ERICH3: variants seen among roughly 807,000 people sequenced by gnomAD.
The protein encoded by ERICH3 is glutamate rich 3.
ERICH3 carries 126 observed loss-of-function variants against 131.1 expected under a neutral mutation model. The observed-to-expected ratio is 0.96, with a 90% CI of 0.83 to 1.11. ERICH3 has a LOEUF of 1.11. ERICH3 is among the 50% of genes most tolerant of loss of function. The probability of loss-of-function intolerance (pLI) is 0.00; values close to 1 mark genes in which losing one functional copy is unlikely to be tolerated. For synonymous variants in ERICH3, 695 were observed against 644.6 expected (o/e 1.08, Z -1.18); for missense variants, 2,050 against 1,810.7 (o/e 1.13, Z -2.40).
chr1:74,608,415 A>G (rs1330377308), intron 9 of ERICH3, among the ~76,000 whole-genome samples: 1 of 152,026 alleles, frequency 6.6e-6, no homozygotes, highest in Non-Finnish European at 1.5e-5. Flanking sequence ...AGGGATCAGA[A>G]AGCAGTCAAG....
At chr1:74,645,255 C>T (rs1228508232) in intron 3 of ERICH3, among the ~76,000 whole-genome samples, 3 of 152,004 alleles carry the variant, frequency 2.0e-5, no homozygotes, top group Non-Finnish European at 2.9e-5. Context: ...CTCATACTGG[C>T]ACATGGTAAA....
chr1:74,648,759 A>G (rs1258813178), intron 2 of ERICH3, among the ~76,000 whole-genome samples: 2 of 152,180 alleles, frequency 1.3e-5, no homozygotes, highest in African/African-American at 2.4e-5. Flanking sequence ...ATACACTAAT[A>G]TTATCAATAA....
At chr1:74,597,837 T>TA (rs1485614536) in intron 11 of ERICH3, among the ~76,000 whole-genome samples, 2 of 152,068 alleles carry the variant, frequency 1.3e-5, no homozygotes, top group East Asian at 1.9e-4. Flanking sequence ...AAACCTATTT[T>TA]AAAATTCACG....
intron 7 of ERICH3, chr1:74,623,104 C>T (rs1649285570): frequency 6.6e-6 from 1 of 152,178 alleles, no homozygotes; most frequent in Admixed American, 6.5e-5. Context: ...GGTTTCTCGG[C>T]CCTTTCTGCT....
In ERICH3 at chr1:74,569,162, G is replaced by T. The variant is rs1263165018; in HGVS notation, c.*1296C>A. The T allele has an allele frequency of 1.3e-5, 2 of 152,154 alleles. No individual in the cohort carries two copies. The highest frequency in any genetic ancestry group is 4.8e-5 in the African/African-American group (2 of 41,442). 9.4% of individuals were successfully genotyped at this position (152,154 alleles called of 1,614,324 possible). A position where few individuals can be genotyped will look rare whatever the true frequency, so the allele number is the denominator to read the frequency against. On this transcript the variant is annotated 3_prime_UTR_variant, in exon 15 of 15. Coordinates refer to ENST00000326665, the MANE Select transcript of ERICH3 (RefSeq NM_001002912.5). ...ACAGCGGTTCTCAACCTTGGCTACA[G>T]AGAAGAATCAAGTGAAAAGTTAAAA...
chr1:74,661,546 A>C (rs1646641632), intron 1 of ERICH3, among the ~76,000 whole-genome samples: 1 of 152,186 alleles, frequency 6.6e-6, no homozygotes, highest in Non-Finnish European at 1.5e-5. Flanking sequence ...TGAACAAGAA[A>C]GTGATTTATT....
intron 3 of ERICH3, among the ~76,000 whole-genome samples, chr1:74,643,719 A>G (rs1243369973): frequency 6.6e-6 from 1 of 152,096 alleles, no homozygotes; most frequent in East Asian, 1.9e-4. Flanking sequence ...ACCCTATTTT[A>G]CAAACAAAGG....
chr1:74,607,974 T>TCAC (rs1296398999), intron 9 of ERICH3, among the ~76,000 whole-genome samples: 1 of 151,918 alleles, frequency 6.6e-6, no homozygotes, highest in Non-Finnish European at 1.5e-5. Flanking sequence ...AGAACTATCA[T>TCAC]CACCACTTTA....
Position 74,572,974 on chromosome 1 carries a change from G to A in ERICH3, c.2736C>T (p.Asn912=). The change falls in exon 14 of 15, where the codon AAC becomes AAT. Residue 912 remains asparagine (N), a synonymous_variant. Transcript: ENST00000326665. Reference sequence around the variant, plus strand: ...CTGCTACTTCATGAAGATGCTCCAAGTTCAGGGCTGCTGCTTCATTTGCAA... The same window carrying A: ...CTGCTACTTCATGAAGATGCTCCAAATTCAGGGCTGCTGCTTCATTTGCAA... The part of the protein sequence containing the change: ...AVLANEAAAL[N]LEHLHEVAAL... The A allele has an allele frequency of 6.2e-7, 1 of 1,614,098 alleles. No individual in the cohort carries two copies. Among genetic ancestry groups the A allele is most frequent in the East Asian group, 2.2e-5 (1 of 44,878 alleles).
At chr1:74,638,387 T>G (rs1047604275) in intron 5 of ERICH3, among the ~76,000 whole-genome samples, 1 of 152,140 alleles carries the variant, frequency 6.6e-6, no homozygotes, top group Non-Finnish European at 1.5e-5. Context: ...AGACCAGAAC[T>G]TAGAAGTAAA....
chr1:74,641,603 G>C, intron 4 of ERICH3, 144 bp from the exon 5 acceptor site: 1 of 960,328 alleles, frequency 1.0e-6, no homozygotes, highest in Admixed American at 3.1e-5. Flanking sequence ...AGTTAGGTGT[G>C]GTGGTAAGGC....
intron 8 of ERICH3, among the ~76,000 whole-genome samples, chr1:74,613,955 C>T (rs900224909): frequency 2.0e-5 from 3 of 152,216 alleles, no homozygotes; most frequent in Admixed American, 2.0e-4. Flanking sequence ...ACTATGTACG[C>T]ATTTCCTATT....
At chr1:74,580,353 T>C (rs1390299206) in intron 12 of ERICH3, among the ~76,000 whole-genome samples, 1 of 152,206 alleles carries the variant, frequency 6.6e-6, no homozygotes, top group East Asian at 1.9e-4. Flanking sequence ...TTGTTAAATA[T>C]TGAGCTATTT....
intron 4 of ERICH3, among the ~76,000 whole-genome samples, chr1:74,642,367 A>G (rs1646444805): frequency 6.6e-6 from 1 of 152,174 alleles, no homozygotes; most frequent in Non-Finnish European, 1.5e-5. Context: ...ACTACAGTAC[A>G]CAGAAAATTA....
At chr1:74,658,089 TGAGTTAACAG>T (rs1646602808) in intron 1 of ERICH3, among the ~76,000 whole-genome samples, 1 of 152,174 alleles carries the variant, frequency 6.6e-6, no homozygotes, top group African/African-American at 2.4e-5. Context: ...TCTTCAAAGA[TGAGTTAACAG>T]ATGTAGAGTG....
At chr1:74,606,008 CTGTG>C (rs879717470) in intron 10 of ERICH3, among the ~76,000 whole-genome samples, 15 of 102,566 alleles carry the variant, frequency 1.5e-4, no homozygotes, top group African/African-American at 3.4e-4. Flanking sequence ...GCGCGTGTGT[CTGTG>C]TGTGTGTGTG....
At chr1:74,620,986 T>C (rs1649196853) in intron 7 of ERICH3, 72 bp from the exon 8 acceptor site, 3 of 1,210,646 alleles carry the variant, frequency 2.5e-6, no homozygotes, top group South Asian at 2.0e-5. Context: ...GACATTGTAA[T>C]ATGAAGAATA....
intron 11 of ERICH3, among the ~76,000 whole-genome samples, chr1:74,596,832 T>C (rs1301215732): frequency 6.6e-6 from 1 of 152,006 alleles, no homozygotes; most frequent in East Asian, 1.9e-4. Context: ...GGTCCTCTCT[T>C]AGTCAGCTTG....
chr1:74,600,087 C>T (rs1189809504), intron 10 of ERICH3, among the ~76,000 whole-genome samples, 156 bp from the exon 11 acceptor site: 1 of 151,790 alleles, frequency 6.6e-6, no homozygotes, highest in Non-Finnish European at 1.5e-5. Context: ...GGAAAACTAA[C>T]AGCAAATGAT....
Sources: allele counts gnomAD v4.1 joint callset (sites outside exome capture counted in the v4.1 genomes callset), GRCh38; gene constraint gnomAD v4.1.1; transcripts MANE v1.5; gene names NCBI Gene and HGNC (gene_info 2026-07-23, HGNC 2026-07-21).